Variants in EPHA5 observed in about 807,000 individuals in gnomAD.
EPHA5 encodes EPH receptor A5, also known as ephrin type-A receptor 5.
EPHA5 carries 60 observed loss-of-function variants against 105.0 expected under a neutral mutation model. The ratio of observed to expected loss-of-function variants is 0.57; its 90% confidence interval spans 0.46 to 0.71. EPHA5 has a LOEUF of 0.71. Among genes scored for constraint, EPHA5 ranks in the 30% least tolerant of loss-of-function variants. The pLI is 0.00. For missense variants in EPHA5, 1,218 were observed against 1,274.7 expected (o/e 0.96, Z 0.68); for synonymous variants, 513 against 449.1 (o/e 1.14, Z -1.80).
intron 3 of EPHA5, among the ~76,000 whole-genome samples, chr4:65,530,921 G>C (rs1735706726): frequency 6.6e-6 from 1 of 152,138 alleles, no homozygotes. Flanking sequence ...AATTCAATGA[G>C]ATATAAGTGA....
chr4:65,567,285 G>A (rs551388900), intron 3 of EPHA5, among the ~76,000 whole-genome samples: 8 of 151,382 alleles, frequency 5.3e-5, no homozygotes, highest in East Asian at 3.9e-4. Flanking sequence ...CCTCTCTTCC[G>A]TCATTCAACA....
At chr4:65,645,151 T>C (rs1748009282) in intron 1 of EPHA5, among the ~76,000 whole-genome samples, 1 of 152,142 alleles carries the variant, frequency 6.6e-6, no homozygotes, top group Non-Finnish European at 1.5e-5. Flanking sequence ...TTCTTTTTAC[T>C]TTATGGTTGG....
intron 8 of EPHA5, among the ~76,000 whole-genome samples, chr4:65,376,061 A>G (rs1031852994): frequency 6.6e-6 from 1 of 152,040 alleles, no homozygotes; most frequent in East Asian, 1.9e-4. Context: ...CCATTCCACA[A>G]CTTCTCCCAT....
intron 5 of EPHA5, among the ~76,000 whole-genome samples, chr4:65,432,235 TA>T (rs1725044270): frequency 6.6e-6 from 1 of 152,188 alleles, no homozygotes; most frequent in African/African-American, 2.4e-5. Context: ...TGAAAATTGC[TA>T]AGGAGTACAA....
chr4:65,501,960 C>T (rs1578267479), intron 3 of EPHA5, among the ~76,000 whole-genome samples: 2 of 151,704 alleles, frequency 1.3e-5, no homozygotes, highest in East Asian at 3.9e-4. Context: ...CACCTACAAC[C>T]TTTTGATCTT....
rs2148854667 is a variant in EPHA5 at position 65,351,471 on chromosome 4, T to C, written c.2363A>G (p.Asn788Ser). The C allele has an allele frequency of 6.2e-7, 1 of 1,613,832 alleles. No individual in the cohort carries two copies. The highest frequency in any genetic ancestry group is 8.5e-7 in the Non-Finnish European group (1 of 1,179,840). The change falls in exon 13 of 17, where the codon AAC becomes AGC. Residue 788 changes from asparagine to serine, a missense_variant. By Grantham distance (46) the Asn-to-Ser change is conservative. Coordinates refer to ENST00000613740, the MANE Select transcript of EPHA5 (RefSeq NM_001281766.3). ...RDLAARNILI[N>S]SNLVCKVSDF... Reference sequence around the variant, plus strand: ...AGACACTTTGCACACAAGGTTACTGTTGATTAAGATGTTTCTGGCAGCAAG... The same window carrying C: ...AGACACTTTGCACACAAGGTTACTGCTGATTAAGATGTTTCTGGCAGCAAG...
intron 5 of EPHA5, among the ~76,000 whole-genome samples, chr4:65,441,623 A>T (rs114332667): frequency 2.0e-5 from 3 of 152,174 alleles, no homozygotes; most frequent in African/African-American, 7.2e-5. Flanking sequence ...AGAACAAATT[A>T]TGGTGTATCC....
At chr4:65,463,808 C>A (rs563827609) in intron 5 of EPHA5, among the ~76,000 whole-genome samples, 138 of 151,912 alleles carry the variant, frequency 9.1e-4, no homozygotes, top group South Asian at 1.5e-3. Context: ...TAATATTTTG[C>A]CAGAAAATGA....
At chr4:65,556,981 A>C (rs1365464214) in intron 3 of EPHA5, among the ~76,000 whole-genome samples, 1 of 151,874 alleles carries the variant, frequency 6.6e-6, no homozygotes, top group Non-Finnish European at 1.5e-5. Context: ...ATTATTAATG[A>C]ATATAAAATT....
chr4:65,397,934 C>G (rs549550284), intron 8 of EPHA5, among the ~76,000 whole-genome samples: 2 of 152,124 alleles, frequency 1.3e-5, no homozygotes, highest in Non-Finnish European at 2.9e-5. Flanking sequence ...TCTGGAGAAG[C>G]AGTTGCAAAG....
intron 15 of EPHA5, among the ~76,000 whole-genome samples, chr4:65,333,549 G>C (rs1193363975): frequency 2.8e-5 from 1 of 35,568 alleles, no homozygotes; most frequent in Non-Finnish European, 7.5e-5. Context: ...CTGTGTGTGT[G>C]TGTGTGTGTG....
chr4:65,365,264 G>A, intron 10 of EPHA5, 62 bp from the exon 11 acceptor site: 2 of 1,367,828 alleles, frequency 1.5e-6, no homozygotes, highest in Non-Finnish European at 2.1e-6. Context: ...ATTAACACTT[G>A]TATGCCCTCT....
chr4:65,637,551 A>T (rs927726275), intron 2 of EPHA5, among the ~76,000 whole-genome samples: 1 of 132,406 alleles, frequency 7.6e-6, no homozygotes, highest in African/African-American at 2.7e-5. Context: ...TCATATATAT[A>T]CACAAATATG....
chr4:65,597,394 A>G (rs1362109130), intron 3 of EPHA5, among the ~76,000 whole-genome samples: 1 of 152,184 alleles, frequency 6.6e-6, no homozygotes, highest in Non-Finnish European at 1.5e-5. Flanking sequence ...TACTTCTGTC[A>G]AAAACATTCA....
chr4:65,617,586 G>A (rs867265648), intron 2 of EPHA5, among the ~76,000 whole-genome samples: 5 of 152,066 alleles, frequency 3.3e-5, no homozygotes, highest in Admixed American at 3.3e-4. Context: ...AAGTAATTTG[G>A]TCAAAGAACA....
At chr4:65,637,243 G>C (rs1462090401) in intron 2 of EPHA5, among the ~76,000 whole-genome samples, 1 of 94,738 alleles carries the variant, frequency 1.1e-5, no homozygotes, top group Non-Finnish European at 2.4e-5. Context: ...TTTTTTTTCA[G>C]TTAGGTCCCT....
rs185931904 is a variant in EPHA5, at chr4:65,643,737, G to A, written c.182-310C>T. Among the ~76,000 whole-genome samples, 17 of 151,036 alleles carry A rather than the reference G, an allele frequency of 1.1e-4. No homozygotes were observed. The East Asian group carries it at 3.3e-3, about 29-fold the overall frequency. On this transcript the variant is annotated intron_variant, in intron 1 of 16. Transcript: ENST00000613740. ...AAGGAAAAAAAAAGACAAAAAGTAA[G>A]CCCACAAAAATGAAACTTTCATGTG...
rs182675301 is a variant in EPHA5, at chr4:65,656,576, T to A, written c.181+12986A>T. Among the ~76,000 whole-genome samples the A allele has an allele frequency of 2.7e-3, 393 of 147,544 alleles. 1 individual carries two copies. Among genetic ancestry groups the A allele is most frequent in the African/African-American group, 8.8e-3 (358 of 40,724 alleles). Reference sequence around the variant, plus strand: ...GTATACTACATTTACATGTAGCATTTTATATATATATTATATATATATAAT... The same window carrying A: ...GTATACTACATTTACATGTAGCATTATATATATATATTATATATATATAAT... On this transcript the variant is annotated intron_variant, in intron 1 of 16. Coordinates refer to ENST00000613740, the MANE Select transcript of EPHA5 (RefSeq NM_001281766.3).
Position 65,669,828 on chromosome 4 carries a change from A to T in EPHA5, c.-86T>A. On this transcript the variant is annotated 5_prime_UTR_variant, in exon 1 of 17. Coordinates refer to ENST00000613740, the MANE Select transcript of EPHA5 (RefSeq NM_001281766.3). ...GCAGAGCGGCGAAGGGAGACTCGGGAGTCCTCCTTGTCCCCCCTTGGGGTC... is the reference window on the plus strand; with the variant it reads ...GCAGAGCGGCGAAGGGAGACTCGGGTGTCCTCCTTGTCCCCCCTTGGGGTC... 1.6e-6 allele frequency: 2 copies of T among 1,233,274 alleles called. No individual in the cohort carries two copies. Among genetic ancestry groups the T allele is most frequent in the Non-Finnish European group, 2.0e-6 (2 of 988,946 alleles). The allele number at this position is 1,233,274 out of a possible 1,614,324, so 76.4% of individuals were successfully genotyped here.
Sources: gnomAD v4.1 joint callset for allele counts (sites outside exome capture counted in the v4.1 genomes callset) on GRCh38, gnomAD v4.1.1 for gene constraint, MANE v1.5 for transcripts, NCBI Gene and HGNC (gene_info 2026-07-23, HGNC 2026-07-21) for gene names.